Variants in CD58 observed in about 807,000 individuals in gnomAD.
CD58 encodes the protein lymphocyte function-associated antigen 3.
A neutral mutation model predicts 27.6 loss-of-function variants in CD58; 14 were observed. The ratio of observed to expected loss-of-function variants is 0.51; its 90% CI spans 0.34 to 0.79. The LOEUF is 0.79. CD58 is among the 30% of genes least tolerant of loss of function. The pLI, the probability that CD58 is intolerant of heterozygous loss-of-function variation, is 0.02. For missense variants in CD58, 268 were observed against 301.7 expected (o/e 0.89, Z 0.83); for synonymous variants, 117 against 103.8 (o/e 1.13, Z -0.77).
intron 1 of CD58, among the ~76,000 whole-genome samples, chr1:116,554,282 T>TA (rs933381619): frequency 6.6e-6 from 1 of 152,150 alleles, no homozygotes; most frequent in Non-Finnish European, 1.5e-5. Flanking sequence ...GTGGTTATTT[T>TA]AAAAAAGGAA....
At position 116,563,697 on chromosome 1, in the gene CD58, G is replaced by A. The variant is rs1413738816; in HGVS notation, c.70+7206C>T. Among the ~76,000 whole-genome samples, 1 of 152,186 alleles carries A rather than the reference G, an allele frequency of 6.6e-6. No individual in the cohort carries two copies. The highest frequency in any genetic ancestry group is 1.5e-5 in the Non-Finnish European group (1 of 68,032). ...ATGTTGGCCCCTTTTAGCCATGGCTGGAGCTAAAACAGCTGGCATGCAGGG... is the reference window on the plus strand; with the variant it reads ...ATGTTGGCCCCTTTTAGCCATGGCTAGAGCTAAAACAGCTGGCATGCAGGG... On this transcript the variant is annotated intron_variant, in intron 1 of 5. Coordinates refer to ENST00000369489, the MANE Select transcript of CD58 (RefSeq NM_001779.3). This position sits in a 1 kb window ranked among gnomAD's most constrained non-coding sequence, Gnocchi z 4.1.
At chr1:116,566,922 TGAGCCCAG>T (rs1427735210) in intron 1 of CD58, among the ~76,000 whole-genome samples, 1 of 151,826 alleles carries the variant, frequency 6.6e-6, no homozygotes, top group East Asian at 1.9e-4. Flanking sequence ...GAGGATTGCT[TGAGCCCAG>T]GAGTTCAAGA....
At chr1:116,545,555 C>T (rs576354335) in intron 1 of CD58, among the ~76,000 whole-genome samples, 1 of 152,198 alleles carries the variant, frequency 6.6e-6, no homozygotes, top group South Asian at 2.1e-4. Flanking sequence ...GTCAGGTCTC[C>T]TTGGCTGACT....
rs1178972142 is a variant in CD58 at position 116,538,611 on chromosome 1, G to GT, written c.365-2384dup. On this transcript the variant is annotated intron_variant, in intron 2 of 5. Transcript: ENST00000369489. This position sits in a 1 kb window ranked among gnomAD's most constrained non-coding sequence, Gnocchi z 4.7. ...CCCCACCATCCCAGGTGCTTCTGAT[G>GT]TATGTGGCCTGTTTGTTCTGTTGCA... Among the ~76,000 whole-genome samples the GT allele has an allele frequency of 4.6e-5, 7 of 152,162 alleles. No homozygotes were observed. The highest frequency in any genetic ancestry group is 1.7e-4 in the African/African-American group (7 of 41,424).
Position 116,570,852 on chromosome 1 carries a change from T to C in CD58, c.70+51A>G. 6.9e-7 allele frequency: 1 copy of C among 1,452,894 alleles called. No homozygotes were observed. The highest frequency in any genetic ancestry group is 9.3e-7 in the Non-Finnish European group (1 of 1,076,644). The allele number at this position is 1,452,894 out of a possible 1,614,324, so 90.0% of individuals were successfully genotyped here. Reference sequence around the variant, plus strand: ...CGGCGCGTCCACCCAGCCTGGGTGCTGCCCAGTACCCGCCGGCCGGCGCGG... The same window carrying C: ...CGGCGCGTCCACCCAGCCTGGGTGCCGCCCAGTACCCGCCGGCCGGCGCGG... On this transcript the variant is annotated intron_variant, in intron 1 of 5. Coordinates refer to ENST00000369489, the MANE Select transcript of CD58 (RefSeq NM_001779.3). This position sits in a 1 kb window ranked among gnomAD's most constrained non-coding sequence, Gnocchi z 6.4.
At position 116,530,494 on chromosome 1, in the gene CD58, C is replaced by T. The variant is rs1024619601; in HGVS notation, c.628+5471G>A. ...TGTTGGGATTACAGGTGTGAGCCAC[C>T]GCACCCGGCTACCTGTCTCCTCATT... On this transcript the variant is annotated intron_variant, in intron 3 of 5. Transcript: ENST00000369489. Among the ~76,000 whole-genome samples, 16 of 152,238 alleles carry T rather than the reference C, an allele frequency of 1.1e-4. No homozygotes were observed. In the South Asian group the frequency reaches 2.1e-3, roughly 20 times the overall value.
rs1050505710 is a variant in CD58, at chr1:116,570,089, C to G, written c.70+814G>C. On this transcript the variant is annotated intron_variant, in intron 1 of 5. Coordinates refer to ENST00000369489, the MANE Select transcript of CD58 (RefSeq NM_001779.3). This position sits in a 1 kb window ranked among gnomAD's most constrained non-coding sequence, Gnocchi z 6.4. ...GCAGGAGCCAGCCATGAGAACCCCT[C>G]AAGTACAGTTGAACTCGCTGGGAGG... Among the ~76,000 whole-genome samples, 4 of 152,214 alleles carry G rather than the reference C, an allele frequency of 2.6e-5. No homozygotes were observed. The highest frequency in any genetic ancestry group is 9.6e-5 in the African/African-American group (4 of 41,464).
chr1:116,536,310 C>T lies in CD58; in HGVS notation c.365-82G>A. The T allele has an allele frequency of 9.8e-7, 1 of 1,021,170 alleles. No individual in the cohort carries two copies. Among genetic ancestry groups the T allele is most frequent in the Non-Finnish European group, 1.4e-6 (1 of 711,712 alleles). 63.3% of individuals were successfully genotyped at this position (1,021,170 alleles called of 1,614,324 possible). On this transcript the variant is annotated intron_variant, in intron 2 of 5. Coordinates refer to ENST00000369489, the MANE Select transcript of CD58 (RefSeq NM_001779.3). This position sits in a 1 kb window ranked among gnomAD's most constrained non-coding sequence, Gnocchi z 5.4. ...CTGCAAATTTATGAAGAGCTCGCAA[C>T]CTCCTTACAAGCTTGAAAGGATGAG...
At chr1:116,529,099 C>T (rs1233443012) in intron 3 of CD58, among the ~76,000 whole-genome samples, 1 of 152,240 alleles carries the variant, frequency 6.6e-6, no homozygotes, top group Non-Finnish European at 1.5e-5. Context: ...CACATTCACA[C>T]TGCCAGTAAG....
rs183544787 is a variant in CD58 at position 116,536,306 on chromosome 1, G to A, written c.365-78C>T. ...TCATCTGCAAATTTATGAAGAGCTC[G>A]CAACCTCCTTACAAGCTTGAAAGGA... On this transcript the variant is annotated intron_variant, in intron 2 of 5. Transcript: ENST00000369489. The surrounding 1 kb of genome is among the most constrained non-coding windows in gnomAD (Gnocchi z 5.4). The A allele has an allele frequency of 1.1e-4, 113 of 1,057,262 alleles. No homozygotes were observed. In the Admixed American group the frequency reaches 1.8e-3, roughly 17 times the overall value. The allele number at this position is 1,057,262 out of a possible 1,614,324, so 65.5% of individuals were successfully genotyped here. A position where few individuals can be genotyped will look rare whatever the true frequency, so the allele number is the denominator to read the frequency against.
At chr1:116,549,763 A>C (rs1406488558) in intron 1 of CD58, among the ~76,000 whole-genome samples, 1 of 152,186 alleles carries the variant, frequency 6.6e-6, no homozygotes, top group Non-Finnish European at 1.5e-5. Context: ...TACATCTTTC[A>C]ATATTTTTCT....
chr1:116,548,053 TA>T (rs899489551), intron 1 of CD58, among the ~76,000 whole-genome samples: 1 of 152,246 alleles, frequency 6.6e-6, no homozygotes, highest in African/African-American at 2.4e-5. Context: ...TGATAATTAG[TA>T]ATGTTGAGCA....
At chr1:116,545,631 T>C (rs1658143107) in intron 1 of CD58, among the ~76,000 whole-genome samples, 1 of 152,060 alleles carries the variant, frequency 6.6e-6, no homozygotes. Flanking sequence ...TGATGAAGAT[T>C]AAGAACTCAG....
At chr1:116,533,873 G>T in intron 3 of CD58, 1 of 1,055,760 alleles carries the variant, frequency 9.5e-7, no homozygotes, top group Non-Finnish European at 1.5e-6. Context: ...CATCTCACCT[G>T]AATTTGTTTC....
At position 116,516,549 on chromosome 1, in the gene CD58, C is replaced by T. The variant is rs1174365513; in HGVS notation, c.744-1727G>A. Among the ~76,000 whole-genome samples the T allele has an allele frequency of 6.6e-6, 1 of 152,196 alleles. No individual in the cohort carries two copies. Among genetic ancestry groups the T allele is most frequent in the Non-Finnish European group, 1.5e-5 (1 of 68,034 alleles). ...TATTCAGTGTCTTTTGCCTCTACTT[C>T]AACTCGATGCCAGGCAGGTCAATCT... is the stretch of plus-strand genomic sequence containing the variant. On this transcript the variant is annotated intron_variant, in intron 5 of 5. Transcript: ENST00000369489. This position sits in a 1 kb window ranked among gnomAD's most constrained non-coding sequence, Gnocchi z 6.1.
intron 1 of CD58, among the ~76,000 whole-genome samples, chr1:116,556,486 G>A (rs1228473397): frequency 6.6e-6 from 1 of 152,064 alleles, no homozygotes; most frequent in East Asian, 1.9e-4. Flanking sequence ...ATGATGCAGG[G>A]TTTCTCAGGA....
chr1:116,543,665 G>A (rs1488925215), intron 2 of CD58, among the ~76,000 whole-genome samples: 2 of 152,078 alleles, frequency 1.3e-5, no homozygotes, highest in Non-Finnish European at 2.9e-5. Flanking sequence ...GCTCATGAGT[G>A]TAATCCCAGC....
rs1659097597 is a variant in CD58 at position 116,570,330 on chromosome 1, G to A, written c.70+573C>T. ...AAGGAGCAGGAGTCGCACCACTTAGGAATCCCAACGTGAGGCCGCTGCCGA... is the reference window on the plus strand; with the variant it reads ...AAGGAGCAGGAGTCGCACCACTTAGAAATCCCAACGTGAGGCCGCTGCCGA... On this transcript the variant is annotated intron_variant, in intron 1 of 5. Coordinates refer to ENST00000369489, the MANE Select transcript of CD58 (RefSeq NM_001779.3). This position sits in a 1 kb window ranked among gnomAD's most constrained non-coding sequence, Gnocchi z 6.4. Among the ~76,000 whole-genome samples the A allele has an allele frequency of 6.6e-6, 1 of 152,212 alleles. No individual in the cohort carries two copies. Among genetic ancestry groups the A allele is most frequent in the African/African-American group, 2.4e-5 (1 of 41,460 alleles).
At chr1:116,549,972 A>G (rs1006791990) in intron 1 of CD58, among the ~76,000 whole-genome samples, 2 of 152,228 alleles carry the variant, frequency 1.3e-5, no homozygotes, top group Non-Finnish European at 2.9e-5. Context: ...AAAGTGTTCA[A>G]TAGCATTATG....
Sources: allele counts gnomAD v4.1 joint callset (sites outside exome capture counted in the v4.1 genomes callset), GRCh38; gene constraint gnomAD v4.1.1; non-coding constraint Gnocchi (gnomAD v3.1); transcripts MANE v1.5; gene names NCBI Gene and HGNC (gene_info 2026-07-23, HGNC 2026-07-21).